Variants in CDK14 observed in about 807,000 individuals in gnomAD.
The protein encoded by CDK14 is cyclin dependent kinase 14.
Under a neutral mutation model 60.7 loss-of-function variants are expected in CDK14, and 34 were observed. The observed-to-expected ratio is 0.56, with a 90% CI of 0.43 to 0.75. The LOEUF is 0.75. Ranked by LOEUF, CDK14 falls within the 30% of genes least tolerant of loss-of-function variation. CDK14 has a pLI of 0.00. For missense variants in CDK14, 482 were observed against 564.1 expected, an observed-to-expected ratio of 0.85 and a Z score of 1.47; for synonymous variants, 197 against 203.7, an observed-to-expected ratio of 0.97 and a Z score of 0.28.
chr7:90,603,839 A>T (rs984949508), intron 1 of CDK14, among the ~76,000 whole-genome samples: 1 of 152,190 alleles, frequency 6.6e-6, no homozygotes, highest in African/African-American at 2.4e-5. Flanking sequence ...TCATCCTAAC[A>T]ATTGGTGATA....
intron 5 of CDK14, among the ~76,000 whole-genome samples, chr7:90,799,690 CAAAAAAAAAAAA>C (rs11353946): frequency 0.016 from 885 of 53,664 alleles, 24 homozygotes; most frequent in African/African-American, 0.059. Context: ...AACTCCATCT[CAAAAAAAAAAAA>C]AAAAAAAAAA....
intron 8 of CDK14, among the ~76,000 whole-genome samples, chr7:90,950,290 G>A (rs1794218577): frequency 6.6e-6 from 1 of 151,946 alleles, no homozygotes; most frequent in Admixed American, 6.6e-5. Flanking sequence ...TGGCCAGGCT[G>A]GTCTTGATCT....
At position 90,721,048 on chromosome 7, in the gene CDK14, T is replaced by C. The variant is rs1046878518; in HGVS notation, c.124-5519T>C. Among the ~76,000 whole-genome samples, 15 of 152,218 alleles carry C rather than the reference T, an allele frequency of 9.9e-5. 1 individual carries two copies. Among genetic ancestry groups the C allele is most frequent in the Non-Finnish European group, 1.5e-5 (1 of 68,040 alleles). On this transcript the variant is annotated intron_variant, in intron 2 of 14. Coordinates refer to ENST00000380050, the MANE Select transcript of CDK14 (RefSeq NM_001287135.2). ...ACACTGGTTCACATAGGTTTTCTTT[T>C]TAATCTTGTTTATCTCCACCAGATG...
rs914972450 is a variant in CDK14, at chr7:90,928,033, G to A, written c.826+10309G>A. Among the ~76,000 whole-genome samples, 9 of 152,008 alleles carry A rather than the reference G, an allele frequency of 5.9e-5. No homozygotes were observed. In the South Asian group the frequency reaches 6.2e-4, roughly 11 times the overall value. On this transcript the variant is annotated intron_variant, in intron 8 of 14. Coordinates refer to ENST00000380050, the MANE Select transcript of CDK14 (RefSeq NM_001287135.2). ...CTACTAAAGCTTGTGCATGTGTCAC[G>A]TAGTTCTAATGCCATGGTTTTCAGC...
rs911484771 is a variant in CDK14 at position 90,837,732 on chromosome 7, T to C, written c.545-25443T>C. 2.6e-5 allele frequency among the ~76,000 whole-genome samples: 4 copies of C among 152,300 alleles called. No homozygotes were observed. In the East Asian group the frequency reaches 7.7e-4, roughly 29 times the overall value. On this transcript the variant is annotated intron_variant, in intron 5 of 14. Coordinates refer to ENST00000380050, the MANE Select transcript of CDK14 (RefSeq NM_001287135.2). Reference sequence around the variant, plus strand: ...TTTTTACTACTGGATTCTGCCTTCTTGACTCTGACTTGACCTGGTCAGGGG... The same window carrying C: ...TTTTTACTACTGGATTCTGCCTTCTCGACTCTGACTTGACCTGGTCAGGGG...
intron 6 of CDK14, among the ~76,000 whole-genome samples, chr7:90,873,265 T>C (rs1206300435): frequency 1.3e-5 from 2 of 152,174 alleles, no homozygotes; most frequent in Non-Finnish European, 2.9e-5. Flanking sequence ...AGGATGAAGA[T>C]GATCAATAAT....
intron 8 of CDK14, among the ~76,000 whole-genome samples, chr7:90,942,241 A>C (rs1423099051): frequency 1.3e-5 from 2 of 152,090 alleles, no homozygotes; most frequent in African/African-American, 4.8e-5. Context: ...CAGGCCCTAC[A>C]ACCCCAAGGC....
At chr7:90,788,253 A>G (rs1805681160) in intron 4 of CDK14, among the ~76,000 whole-genome samples, 2 of 152,174 alleles carry the variant, frequency 1.3e-5, no homozygotes, top group African/African-American at 4.8e-5. Context: ...GGAGCCAGTG[A>G]TGAGCTCAAC....
intron 2 of CDK14, among the ~76,000 whole-genome samples, chr7:90,658,499 A>G (rs1296095562): frequency 6.6e-6 from 1 of 152,228 alleles, no homozygotes; most frequent in Admixed American, 6.5e-5. Context: ...ATTGGGGATT[A>G]GATTACAACA....
At chr7:90,919,985 G>A (rs17398589) in intron 8 of CDK14, among the ~76,000 whole-genome samples, 14,206 of 152,318 alleles carry the variant, frequency 0.093, 793 homozygotes, top group East Asian at 0.18. Context: ...CTTGGAACAC[G>A]CAGTTGGCAT....
At chr7:90,662,146 C>T (rs1381068723) in intron 2 of CDK14, among the ~76,000 whole-genome samples, 1 of 152,208 alleles carries the variant, frequency 6.6e-6, no homozygotes, top group African/African-American at 2.4e-5. Flanking sequence ...ATGTTTGGAA[C>T]TTAGGAGAAT....
intron 2 of CDK14, among the ~76,000 whole-genome samples, chr7:90,654,312 A>T (rs1800708424): frequency 6.6e-6 from 1 of 152,240 alleles, no homozygotes; most frequent in South Asian, 2.1e-4. Context: ...AAGCAGAGTG[A>T]CAGAGAGAGA....
At chr7:90,952,058 G>A (rs2117552565) in intron 8 of CDK14, among the ~76,000 whole-genome samples, 1 of 152,272 alleles carries the variant, frequency 6.6e-6, no homozygotes, top group East Asian at 1.9e-4. Flanking sequence ...GGGGCAAAAA[G>A]GGGTAGGTCC....
chr7:90,744,562 G>T (rs532683123), intron 3 of CDK14, among the ~76,000 whole-genome samples: 4 of 152,308 alleles, frequency 2.6e-5, no homozygotes, highest in South Asian at 2.1e-4. Flanking sequence ...GGGCAGAGGG[G>T]CTCCTCACTT....
At chr7:90,952,779 A>G (rs2117555392) in intron 8 of CDK14, among the ~76,000 whole-genome samples, 1 of 152,298 alleles carries the variant, frequency 6.6e-6, no homozygotes, top group Middle Eastern at 3.4e-3. Context: ...ATAGCAACTG[A>G]CAAAGAACAG....
intron 10 of CDK14, among the ~76,000 whole-genome samples, chr7:90,985,332 G>A (rs1795342943): frequency 6.6e-6 from 1 of 152,048 alleles, no homozygotes; most frequent in African/African-American, 2.4e-5. Flanking sequence ...TGGGTGAAAT[G>A]AGGGATAATA....
intron 5 of CDK14, among the ~76,000 whole-genome samples, chr7:90,796,149 T>C (rs1254556735): frequency 6.6e-6 from 1 of 152,080 alleles, no homozygotes; most frequent in Non-Finnish European, 1.5e-5. Context: ...GTTGCGGTTG[T>C]GTTGTAGAAT....
intron 2 of CDK14, among the ~76,000 whole-genome samples, chr7:90,658,845 A>G (rs895112539): frequency 1.3e-5 from 2 of 152,176 alleles, no homozygotes; most frequent in African/African-American, 4.8e-5. Flanking sequence ...TCATATGGTA[A>G]CTATGATATG....
intron 8 of CDK14, among the ~76,000 whole-genome samples, chr7:90,923,773 T>G (rs1013579016): frequency 1.3e-5 from 2 of 152,252 alleles, no homozygotes; most frequent in Admixed American, 6.5e-5. Flanking sequence ...CATGTGTTTC[T>G]TTTTTCCTGT....
Sources: gnomAD v4.1 joint callset for allele counts (sites outside exome capture counted in the v4.1 genomes callset) on GRCh38, gnomAD v4.1.1 for gene constraint, MANE v1.5 for transcripts, NCBI Gene and HGNC (gene_info 2026-07-23, HGNC 2026-07-21) for gene names.